Variants in DAB2IP observed in about 807,000 individuals in gnomAD.
DAB2IP encodes disabled homolog 2-interacting protein.
DAB2IP carries 28 observed loss-of-function variants against 107.2 expected under a neutral mutation model. The observed-to-expected ratio is 0.26, with a 90% CI of 0.19 to 0.36. The LOEUF (loss-of-function observed/expected upper bound fraction) is 0.36, where lower values mean the gene tolerates loss of function less well. Ranked by LOEUF, DAB2IP falls within the 10% of genes least tolerant of loss-of-function variation. The pLI is 1.00. For missense variants in DAB2IP, 1,400 were observed against 1,644.7 expected, an observed-to-expected ratio of 0.85 and a Z score of 2.57; for synonymous variants, 755 against 706.4, an observed-to-expected ratio of 1.07 and a Z score of -1.09.
intron 3 of DAB2IP, among the ~76,000 whole-genome samples, chr9:121,719,442 G>A (rs562698605): frequency 6.6e-6 from 1 of 152,308 alleles, no homozygotes; most frequent in African/African-American, 2.4e-5. Context: ...GGAACCCCAT[G>A]AGCCTAGTGC....
intron 1 of DAB2IP, among the ~76,000 whole-genome samples, chr9:121,668,598 ATTCTT>A (rs1256058644): frequency 6.6e-6 from 1 of 151,982 alleles, no homozygotes; most frequent in African/African-American, 2.4e-5. Context: ...TCTTCCTTCT[ATTCTT>A]TTCTCTTCAG....
chr9:121,728,711 G>A (rs560553063), intron 3 of DAB2IP, among the ~76,000 whole-genome samples: 80 of 152,196 alleles, frequency 5.3e-4, no homozygotes, highest in African/African-American at 1.9e-3. Flanking sequence ...ACTGCAGGTG[G>A]GCTGGGCAGG....
intron 2 of DAB2IP, among the ~76,000 whole-genome samples, chr9:121,691,519 CAAA>C (rs528251007): frequency 2.7e-5 from 2 of 73,674 alleles, no homozygotes; most frequent in African/African-American, 4.5e-5. Context: ...GACTCCATGT[CAAA>C]AAAAAAAAAA....
At chr9:121,745,082 G>C (rs2118909876) in intron 3 of DAB2IP, among the ~76,000 whole-genome samples, 1 of 152,366 alleles carries the variant, frequency 6.6e-6, no homozygotes, top group Non-Finnish European at 1.5e-5. Flanking sequence ...CCTGGAGTCA[G>C]CCAGTGTGGA....
At chr9:121,674,945 C>A (rs1833834692) in intron 1 of DAB2IP, among the ~76,000 whole-genome samples, 1 of 151,984 alleles carries the variant, frequency 6.6e-6, no homozygotes, top group Non-Finnish European at 1.5e-5. Context: ...CCTGGAAGCT[C>A]CAGCTGCTTT....
chr9:121,666,392 G>C (rs79421848), intron 1 of DAB2IP, among the ~76,000 whole-genome samples: 27,766 of 152,240 alleles, frequency 0.18, 3,314 homozygotes, highest in Non-Finnish European at 0.26. Flanking sequence ...GAACATTATT[G>C]TGCGTAGCAC....
intron 1 of DAB2IP, among the ~76,000 whole-genome samples, chr9:121,573,517 T>C (rs1295772785): frequency 6.6e-6 from 1 of 152,070 alleles, no homozygotes; most frequent in Non-Finnish European, 1.5e-5. Context: ...CCTGAGTAGC[T>C]GGGACTACAG....
upstream of DAB2IP, among the ~76,000 whole-genome samples, chr9:121,647,858 A>T (rs1419586715): frequency 6.7e-6 from 1 of 149,530 alleles, no homozygotes; most frequent in Admixed American, 6.7e-5. Flanking sequence ...ATATACATAC[A>T]TATACGTATT....
chr9:121,713,597 A>C (rs1386738824), intron 3 of DAB2IP, among the ~76,000 whole-genome samples: 3 of 152,164 alleles, frequency 2.0e-5, no homozygotes, highest in Admixed American at 6.5e-5. Context: ...TGCAGGGGTG[A>C]AGGAGCAGGG....
chr9:121,602,070 C>T (rs7021714), intron 1 of DAB2IP, among the ~76,000 whole-genome samples: 45,627 of 152,028 alleles, frequency 0.3, 6,956 homozygotes, highest in South Asian at 0.38. Flanking sequence ...GGCCATTTTC[C>T]TGCAGGTCAC....
intron 1 of DAB2IP, among the ~76,000 whole-genome samples, chr9:121,624,886 G>A (rs1029266943): frequency 9.2e-5 from 14 of 152,222 alleles, no homozygotes; most frequent in African/African-American, 3.1e-4. Context: ...TGCCAGGAAC[G>A]TAAGTCTCAA....
At chr9:121,620,915 G>T (rs1200481235) in intron 1 of DAB2IP, among the ~76,000 whole-genome samples, 5 of 152,210 alleles carry the variant, frequency 3.3e-5, no homozygotes, top group Non-Finnish European at 7.3e-5. Flanking sequence ...TTCACTGGCT[G>T]CTCTAAAAGC....
At chr9:121,638,691 T>A (rs922478387) in intron 1 of DAB2IP, among the ~76,000 whole-genome samples, 2 of 151,730 alleles carry the variant, frequency 1.3e-5, no homozygotes, top group Non-Finnish European at 2.9e-5. Flanking sequence ...CTCTGGCTGT[T>A]TTATGGAGAA....
chr9:121,716,911 T>C (rs1234002952), intron 3 of DAB2IP, among the ~76,000 whole-genome samples: 2 of 152,228 alleles, frequency 1.3e-5, no homozygotes, highest in Non-Finnish European at 2.9e-5. Flanking sequence ...TTGGTGAATT[T>C]CTGTAGCCTC....
At position 121,608,213 on chromosome 9, in the gene DAB2IP, C is replaced by T. The variant is rs560130651; in HGVS notation, c.40+40985C>T. ...ACTTGAGTGGCTCGGCAGCCTTTGA[C>T]GTGGGGAGAGGTTGCACTGCCCGCT... On this transcript the variant is annotated intron_variant, in intron 1 of 16. Coordinates refer to the DAB2IP transcript ENST00000259371. 1.8e-4 allele frequency among the ~76,000 whole-genome samples: 28 copies of T among 152,298 alleles called. No homozygotes were observed. The South Asian group carries it at 4.8e-3, about 26-fold the overall frequency.
At chr9:121,706,978 G>A (rs1336361136) in intron 3 of DAB2IP, among the ~76,000 whole-genome samples, 1 of 152,190 alleles carries the variant, frequency 6.6e-6, no homozygotes. Flanking sequence ...TGGGGGAGGG[G>A]TAAGAAGTGA....
At chr9:121,654,963 G>T (rs930547242) in intron 1 of DAB2IP, among the ~76,000 whole-genome samples, 1 of 152,216 alleles carries the variant, frequency 6.6e-6, no homozygotes, top group Non-Finnish European at 1.5e-5. Flanking sequence ...CAGGCTGGGG[G>T]AAGGGAGCAG....
chr9:121,592,943 G>A (rs1400385456), intron 1 of DAB2IP, among the ~76,000 whole-genome samples: 1 of 152,108 alleles, frequency 6.6e-6, no homozygotes, highest in Non-Finnish European at 1.5e-5. Flanking sequence ...CTACAGTGTT[G>A]TACAGCGCCT....
chr9:121,699,355 A>G lies in DAB2IP; in HGVS notation c.259A>G (p.Ile87Val), dbSNP rs775746799. 1.1e-5 allele frequency: 16 copies of G among 1,427,094 alleles called. No individual in the cohort carries two copies. The highest frequency in any genetic ancestry group is 1.5e-5 in the Non-Finnish European group (16 of 1,075,460). 88.4% of individuals were successfully genotyped at this position (1,427,094 alleles called of 1,614,324 possible). A position where few individuals can be genotyped will look rare whatever the true frequency, so the allele number is the denominator to read the frequency against. ...CCTCAGCCGCCGCCTCAAGGGCTCC[A>G]TCAAGCGCACCAAGAGCCAGCCCAA... is the stretch of plus-strand genomic sequence containing the variant. Residue 87 changes from isoleucine to valine, a missense_variant, in exon 3 of 16, where the codon ATC becomes GTC. Ile to Val is a conservative substitution (Grantham distance 29). Around this residue, in one of 3 missense-constraint regions of DAB2IP, gnomAD observed 283 missense variants for 237.0 expected, o/e 1.19. Transcript: ENST00000408936. This position sits in a 1 kb window ranked among gnomAD's most constrained non-coding sequence, Gnocchi z 6.2.
Sources: allele counts gnomAD v4.1 joint callset (sites outside exome capture counted in the v4.1 genomes callset), GRCh38; gene constraint gnomAD v4.1.1; regional missense constraint gnomAD v4.1.1; non-coding constraint Gnocchi (gnomAD v3.1); transcripts MANE v1.5; gene names NCBI Gene and HGNC (gene_info 2026-07-23, HGNC 2026-07-21).